SNTG1: variants seen among roughly 807,000 people sequenced by gnomAD.
SNTG1 encodes gamma-1-syntrophin.
SNTG1 carries 39 observed loss-of-function variants against 74.7 expected under a neutral mutation model. The ratio of observed to expected loss-of-function variants is 0.52; its 90% CI spans 0.40 to 0.68. The LOEUF (loss-of-function observed/expected upper bound fraction) is 0.68. Ranked by LOEUF, SNTG1 falls within the 30% of genes least tolerant of loss-of-function variation. The pLI is 0.00. For synonymous variants in SNTG1, 254 were observed against 217.1 expected, an observed-to-expected ratio of 1.17 and a Z score of -1.49; for missense variants, 685 against 609.5, an observed-to-expected ratio of 1.12 and a Z score of -1.30.
intron 2 of SNTG1, among the ~76,000 whole-genome samples, chr8:50,195,237 A>C (rs2083720650): frequency 3.3e-5 from 5 of 151,976 alleles, no homozygotes; most frequent in Admixed American, 3.3e-4. Flanking sequence ...GCCAGCAGTC[A>C]CAGGCCTCAC....
intron 2 of SNTG1, among the ~76,000 whole-genome samples, chr8:50,294,538 G>A (rs2089274338): frequency 6.6e-6 from 1 of 152,128 alleles, no homozygotes; most frequent in South Asian, 2.1e-4. Context: ...CAAGTTCAAA[G>A]GTTGCATGCT....
intron 1 of SNTG1, among the ~76,000 whole-genome samples, chr8:50,116,132 C>T (rs2080812439): frequency 2.0e-5 from 3 of 152,062 alleles, no homozygotes; most frequent in Admixed American, 6.6e-5. Context: ...TTCCAGGTTA[C>T]ATAAAAGAAA....
chr8:50,387,408 A>C (rs2131270763), intron 2 of SNTG1, among the ~76,000 whole-genome samples: 1 of 152,208 alleles, frequency 6.6e-6, no homozygotes, highest in African/African-American at 2.4e-5. Context: ...ATCCACTCTA[A>C]CATTCCAGTA....
In SNTG1 at chr8:50,679,680, C is replaced by A. The variant is rs1361180086; in HGVS notation, c.1038+21017C>A. Among the ~76,000 whole-genome samples, 3 of 151,980 alleles carry A rather than the reference C, an allele frequency of 2.0e-5. No homozygotes were observed. In the South Asian group the frequency reaches 6.2e-4, roughly 31 times the overall value. On this transcript the variant is annotated intron_variant, in intron 15 of 18. Coordinates refer to ENST00000642720, the MANE Select transcript of SNTG1 (RefSeq NM_018967.5). ...TTCTGAAGACTTAGATTTATTTTAC[C>A]TTAGTCCAAATAGGCATTAGAATAA...
chr8:50,597,641 A>G (rs906947924), intron 13 of SNTG1, among the ~76,000 whole-genome samples: 15 of 151,936 alleles, frequency 9.9e-5, no homozygotes, highest in African/African-American at 3.4e-4. Context: ...ACTGTTTTCC[A>G]TAATGGGTGT....
At chr8:50,015,481 G>A (rs993018472) in intron 1 of SNTG1, among the ~76,000 whole-genome samples, 8 of 151,534 alleles carry the variant, frequency 5.3e-5, no homozygotes, top group African/African-American at 2.0e-4. Flanking sequence ...ATTATTTGAG[G>A]AAATAATGGC....
At chr8:50,523,733 T>A (rs548643378) in intron 9 of SNTG1, among the ~76,000 whole-genome samples, 4 of 152,300 alleles carry the variant, frequency 2.6e-5, no homozygotes, top group African/African-American at 9.6e-5. Context: ...GTTGAAATAC[T>A]GTGGGAATTA....
At chr8:50,220,767 G>T (rs2085024831) in intron 2 of SNTG1, among the ~76,000 whole-genome samples, 1 of 152,278 alleles carries the variant, frequency 6.6e-6, no homozygotes, top group Admixed American at 6.5e-5. Flanking sequence ...ATGCAGTAGT[G>T]CTTTTCCTGC....
At chr8:49,938,589 TTTC>T (rs1369924565) in intron 1 of SNTG1, among the ~76,000 whole-genome samples, 1 of 36,298 alleles carries the variant, frequency 2.8e-5, no homozygotes. Context: ...TTTCTTTTCT[TTTC>T]TTTTCTTTTC....
At chr8:49,976,692 C>T (rs764355881) in intron 1 of SNTG1, among the ~76,000 whole-genome samples, 10 of 152,068 alleles carry the variant, frequency 6.6e-5, no homozygotes, top group Admixed American at 3.3e-4. Flanking sequence ...AACAGCAGAG[C>T]GGAGGCGCCC....
At chr8:50,777,962 T>C (rs1251972556) in intron 18 of SNTG1, among the ~76,000 whole-genome samples, 1 of 152,036 alleles carries the variant, frequency 6.6e-6, no homozygotes, top group Non-Finnish European at 1.5e-5. Flanking sequence ...GTTTGGTTTT[T>C]TGTTCTTGCG....
chr8:49,993,232 C>T (rs184202691), intron 1 of SNTG1, among the ~76,000 whole-genome samples: 22 of 152,166 alleles, frequency 1.4e-4, no homozygotes, highest in Middle Eastern at 3.4e-3. Context: ...AGAGTGAGGT[C>T]AGGGCCAAAG....
intron 4 of SNTG1, among the ~76,000 whole-genome samples, chr8:50,403,766 C>A (rs1201305252): frequency 6.6e-6 from 1 of 152,074 alleles, no homozygotes; most frequent in African/African-American, 2.4e-5. Context: ...AATTCAACAC[C>A]CATTTTTACA....
intron 8 of SNTG1, among the ~76,000 whole-genome samples, chr8:50,465,921 G>C (rs571342020): frequency 2.0e-5 from 3 of 152,196 alleles, no homozygotes; most frequent in South Asian, 4.1e-4. Context: ...GCAGGTTTAT[G>C]TGTGGACATA....
chr8:50,449,223 C>A (rs2093433301), intron 5 of SNTG1, among the ~76,000 whole-genome samples: 1 of 152,098 alleles, frequency 6.6e-6, no homozygotes, highest in African/African-American at 2.4e-5. Flanking sequence ...TTTTGTTTAT[C>A]CATTTGTTCT....
At chr8:50,610,093 G>A (rs549461321) in intron 13 of SNTG1, among the ~76,000 whole-genome samples, 53 of 152,200 alleles carry the variant, frequency 3.5e-4, no homozygotes, top group African/African-American at 1.2e-3. Flanking sequence ...ACCAATTCTG[G>A]ATTTTTGTCT....
chr8:49,987,050 G>A (rs987429832), intron 1 of SNTG1, among the ~76,000 whole-genome samples: 1 of 152,186 alleles, frequency 6.6e-6, no homozygotes, highest in Non-Finnish European at 1.5e-5. Flanking sequence ...AGTAGGTTAT[G>A]TTTGGAAAAG....
chr8:50,021,947 A>T (rs1039580270), intron 1 of SNTG1, among the ~76,000 whole-genome samples: 25 of 133,722 alleles, frequency 1.9e-4, no homozygotes, highest in African/African-American at 6.4e-4. Context: ...TCAAAAAAAA[A>T]ATAAAAATAA....
At chr8:50,783,791 G>T (rs569400255) in intron 18 of SNTG1, among the ~76,000 whole-genome samples, 2 of 152,176 alleles carry the variant, frequency 1.3e-5, no homozygotes, top group Admixed American at 6.5e-5. Flanking sequence ...CTTCTGCGTC[G>T]CTCACGCTGG....
Sources: gnomAD v4.1 joint callset for allele counts (sites outside exome capture counted in the v4.1 genomes callset) on GRCh38, gnomAD v4.1.1 for gene constraint, MANE v1.5 for transcripts, NCBI Gene and HGNC (gene_info 2026-07-23, HGNC 2026-07-21) for gene names.